The following LRP1B variants were observed in gnomAD, a reference collection of about 807,000 sequenced individuals.
LRP1B encodes LDL receptor related protein 1B.
LRP1B carries 217 observed loss-of-function variants against 556.6 expected under a neutral mutation model. The ratio of observed to expected loss-of-function variants is 0.39; its 90% CI spans 0.35 to 0.44. LRP1B has a LOEUF of 0.44. Ranked by LOEUF, LRP1B falls within the 20% of genes least tolerant of loss-of-function variation. LRP1B has a pLI of 1.00. For synonymous variants in LRP1B, 2,047 were observed against 1,865.8 expected, an observed-to-expected ratio of 1.10 and a Z score of -2.50; for missense variants, 5,053 against 5,620.8, an observed-to-expected ratio of 0.90 and a Z score of 3.23.
chr2:141,903,205 T>C (rs1414746768), intron 1 of LRP1B, among the ~76,000 whole-genome samples: 2 of 151,922 alleles, frequency 1.3e-5, no homozygotes, highest in Admixed American at 6.6e-5. Context: ...ATCTTATAGA[T>C]ACTCTTTAAT....
intron 23 of LRP1B, among the ~76,000 whole-genome samples, chr2:140,898,244 C>A (rs1694006637): frequency 6.6e-6 from 1 of 152,114 alleles, no homozygotes; most frequent in African/African-American, 2.4e-5. Flanking sequence ...AAATGGACAG[C>A]TTTTCCTGGG....
intron 20 of LRP1B, among the ~76,000 whole-genome samples, chr2:140,949,960 A>G (rs1215545540): frequency 5.8e-5 from 5 of 86,948 alleles, no homozygotes; most frequent in Admixed American, 3.6e-4. Flanking sequence ...AAAAAAAAAA[A>G]AAAAGAAAAA....
intron 11 of LRP1B, among the ~76,000 whole-genome samples, chr2:141,023,980 A>G (rs1698143492): frequency 6.6e-6 from 1 of 152,062 alleles, no homozygotes. Context: ...GCATGTAGAC[A>G]TGCCTAAGGC....
intron 5 of LRP1B, among the ~76,000 whole-genome samples, chr2:141,234,595 T>C (rs1683586112): frequency 6.6e-6 from 1 of 152,104 alleles, no homozygotes; most frequent in South Asian, 2.1e-4. Context: ...CAGGCTGGTC[T>C]TGAACTCCTG....
intron 2 of LRP1B, among the ~76,000 whole-genome samples, chr2:141,508,084 C>CCA (rs1198163848): frequency 3.5e-5 from 1 of 28,650 alleles, no homozygotes; most frequent in Non-Finnish European, 7.9e-5. Flanking sequence ...AGACTCCATC[C>CCA]CCCCCCCAAA....
At chr2:140,269,202 A>G in intron 86 of LRP1B, 1 of 458,670 alleles carries the variant, frequency 2.2e-6, no homozygotes. Context: ...CATGATTTAA[A>G]CCAATGAACT....
At chr2:141,062,897 C>G (rs1172275383) in intron 7 of LRP1B, among the ~76,000 whole-genome samples, 1 of 151,762 alleles carries the variant, frequency 6.6e-6, no homozygotes, top group Non-Finnish European at 1.5e-5. Flanking sequence ...TAGGTCATTT[C>G]TTCTTGTTTT....
At chr2:140,780,967 G>C (rs1016484488) in intron 32 of LRP1B, among the ~76,000 whole-genome samples, 1 of 152,092 alleles carries the variant, frequency 6.6e-6, no homozygotes, top group Non-Finnish European at 1.5e-5. Flanking sequence ...TCACCCTTTT[G>C]TGGCTCCCTA....
intron 17 of LRP1B, among the ~76,000 whole-genome samples, chr2:140,988,541 A>G (rs1696996067): frequency 6.6e-6 from 1 of 152,028 alleles, no homozygotes; most frequent in Non-Finnish European, 1.5e-5. Context: ...TTTATAGTTA[A>G]TACTCTTACC....
At chr2:141,682,015 C>T (rs1691122073) in intron 2 of LRP1B, among the ~76,000 whole-genome samples, 1 of 151,982 alleles carries the variant, frequency 6.6e-6, no homozygotes, top group Non-Finnish European at 1.5e-5. Context: ...AACTATGTTG[C>T]TTTTTTTCAG....
chr2:141,010,542 T>A (rs1180599463), intron 14 of LRP1B, among the ~76,000 whole-genome samples: 1 of 151,570 alleles, frequency 6.6e-6, no homozygotes. Context: ...TTAGACAGAG[T>A]TTTGCTCTGT....
chr2:140,948,047 T>C (rs935123318), intron 20 of LRP1B, among the ~76,000 whole-genome samples: 1 of 152,150 alleles, frequency 6.6e-6, no homozygotes, highest in African/African-American at 2.4e-5. Context: ...CAAAGAGGTG[T>C]GCCACTAACT....
chr2:141,631,887 G>A (rs1354997448), intron 2 of LRP1B, among the ~76,000 whole-genome samples: 2 of 151,982 alleles, frequency 1.3e-5, no homozygotes, highest in Non-Finnish European at 2.9e-5. Context: ...TATAATGTAA[G>A]TTTTAGGAAA....
chr2:142,100,405 A>C (rs1422335568), intron 1 of LRP1B, among the ~76,000 whole-genome samples: 1 of 152,000 alleles, frequency 6.6e-6, no homozygotes, highest in African/African-American at 2.4e-5. Context: ...CAGTTCCTGA[A>C]GTGAATACCA....
rs1691004128 is a variant in LRP1B at position 140,813,645 on chromosome 2, A to G, written c.5359+12T>C. On this transcript the variant is annotated intron_variant, in intron 32 of 90. Coordinates refer to ENST00000389484, the MANE Select transcript of LRP1B (RefSeq NM_018557.3). ...ATACAAAGCAACCAAGCTATAGAATAATTTCACTTACCCATGATGGTTAGG... is the reference window on the plus strand; with the variant it reads ...ATACAAAGCAACCAAGCTATAGAATGATTTCACTTACCCATGATGGTTAGG... 1 of 1,612,026 alleles carries G rather than the reference A, an allele frequency of 6.2e-7. No homozygotes were observed. Among genetic ancestry groups the G allele is most frequent in the African/African-American group, 1.3e-5 (1 of 74,940 alleles).
intron 1 of LRP1B, among the ~76,000 whole-genome samples, chr2:141,958,065 G>A (rs889060373): frequency 4.6e-5 from 7 of 151,952 alleles, no homozygotes; most frequent in African/African-American, 1.7e-4. Flanking sequence ...ATGAGATTCA[G>A]GATTACTGCT....
At chr2:141,635,844 G>A (rs1689093373) in intron 2 of LRP1B, among the ~76,000 whole-genome samples, 1 of 152,248 alleles carries the variant, frequency 6.6e-6, no homozygotes, top group African/African-American at 2.4e-5. Context: ...AGAAGTGAAT[G>A]ACTGAACAGA....
chr2:142,032,755 T>C (rs1037192519), intron 1 of LRP1B, among the ~76,000 whole-genome samples: 2 of 151,788 alleles, frequency 1.3e-5, no homozygotes, highest in African/African-American at 4.8e-5. Flanking sequence ...TTAGGGACCA[T>C]CTTGGGCTGT....
At chr2:140,323,418 G>A (rs988207618) in intron 81 of LRP1B, among the ~76,000 whole-genome samples, 2 of 151,822 alleles carry the variant, frequency 1.3e-5, no homozygotes, top group African/African-American at 4.8e-5. Flanking sequence ...TTGATTAGTG[G>A]TAAGAGTCAA....
Sources: gnomAD v4.1 joint callset for allele counts (sites outside exome capture counted in the v4.1 genomes callset) on GRCh38, gnomAD v4.1.1 for gene constraint, MANE v1.5 for transcripts, NCBI Gene and HGNC (gene_info 2026-07-23, HGNC 2026-07-21) for gene names.